The following PTPN11 variants were observed in gnomAD, a reference collection of about 807,000 sequenced individuals.
The protein encoded by PTPN11 is tyrosine-protein phosphatase non-receptor type 11.
Under a neutral mutation model 78.8 loss-of-function variants are expected in PTPN11, and 6 were observed. The observed-to-expected ratio is 0.08, with a 90% CI of 0.04 to 0.15. PTPN11 has a LOEUF of 0.15. PTPN11 is among the 10% of genes least tolerant of loss of function. The pLI is 1.00. For missense variants in PTPN11, 386 were observed against 744.8 expected, an observed-to-expected ratio of 0.52 and a Z score of 5.61; for synonymous variants, 221 against 263.5, an observed-to-expected ratio of 0.84 and a Z score of 1.56.
chr12:112,419,620 G>A (rs543191327), intron 1 of PTPN11, among the ~76,000 whole-genome samples: 28 of 152,318 alleles, frequency 1.8e-4, no homozygotes, highest in African/African-American at 2.9e-4. Flanking sequence ...CAGGACCCCT[G>A]ACCCTTTTAT....
intron 7 of PTPN11, among the ~76,000 whole-genome samples, chr12:112,474,186 T>TA (rs899387297): frequency 6.6e-6 from 1 of 151,888 alleles, no homozygotes; most frequent in African/African-American, 2.4e-5. Context: ...CCATCTCTAT[T>TA]AAAAATTACA....
rs1277567841 is a variant in PTPN11 at position 112,504,106 on chromosome 12, G to A, written c.1713-589G>A. Reference sequence around the variant, plus strand: ...TGCATTTCCAACCTTTCTTCACAGTGCGATCCAAATGCCTCATCCTACAGG... The same window carrying A: ...TGCATTTCCAACCTTTCTTCACAGTACGATCCAAATGCCTCATCCTACAGG... On this transcript the variant is annotated intron_variant, in intron 14 of 15. Transcript: ENST00000351677. This position sits in a 1 kb window ranked among gnomAD's most constrained non-coding sequence, Gnocchi z 4.7. 1.3e-5 allele frequency among the ~76,000 whole-genome samples: 2 copies of A among 152,164 alleles called. No individual in the cohort carries two copies. The highest frequency in any genetic ancestry group is 4.8e-5 in the African/African-American group (2 of 41,430).
Position 112,478,022 on chromosome 12 carries a change from C to A in PTPN11, c.1092+7C>A, listed in dbSNP as rs1169237196. 6.2e-7 allele frequency: 1 copy of A among 1,613,934 alleles called. No individual in the cohort carries two copies. Among genetic ancestry groups the A allele is most frequent in the Admixed American group, 1.7e-5 (1 of 60,002 alleles). On this transcript the variant is annotated splice_region_variant and intron_variant, in intron 9 of 15. Coordinates refer to ENST00000351677, the MANE Select transcript of PTPN11 (RefSeq NM_002834.5). ...AGAAGTGGAGAGAGGAAAGGTAAATCACAGAAACTTCTTTTCTGCTAAACT... is the reference window on the plus strand; with the variant it reads ...AGAAGTGGAGAGAGGAAAGGTAAATAACAGAAACTTCTTTTCTGCTAAACT...
intron 6 of PTPN11, among the ~76,000 whole-genome samples, chr12:112,467,721 C>T (rs1355077362): frequency 6.6e-6 from 1 of 152,132 alleles, no homozygotes; most frequent in Non-Finnish European, 1.5e-5. Context: ...TCTCGGACTC[C>T]TGATCTCAAG....
intron 13 of PTPN11, among the ~76,000 whole-genome samples, chr12:112,497,203 A>G (rs571193358): frequency 9.2e-5 from 14 of 151,924 alleles, no homozygotes; most frequent in African/African-American, 3.1e-4. Flanking sequence ...TTCCATAATG[A>G]TAGCAGAGCT....
chr12:112,449,430 C>G (rs1009479614), intron 2 of PTPN11, among the ~76,000 whole-genome samples: 16 of 151,640 alleles, frequency 1.1e-4, no homozygotes, highest in Admixed American at 2.6e-4. Context: ...TGGTGTGAAC[C>G]CGGGACGTGG....
At position 112,507,791 on chromosome 12, in the gene PTPN11, A is replaced by T. The variant is rs926460916; in HGVS notation, c.*1999A>T. The T allele has an allele frequency of 6.6e-6, 1 of 152,636 alleles. No individual in the cohort carries two copies. Among genetic ancestry groups the T allele is most frequent in the Non-Finnish European group, 1.5e-5 (1 of 68,148 alleles). 9.5% of individuals were successfully genotyped at this position (152,636 alleles called of 1,614,324 possible). On this transcript the variant is annotated 3_prime_UTR_variant, in exon 16 of 16. Transcript: ENST00000351677. ...GAGACTTTGGGGTAGTTTGGCTGCC[A>T]TTCTCACTGACAAAATGTATATCAG...
chr12:112,471,878 G>A (rs931645662), intron 6 of PTPN11, among the ~76,000 whole-genome samples: 3 of 151,814 alleles, frequency 2.0e-5, no homozygotes, highest in African/African-American at 2.4e-5. Flanking sequence ...TCAGCCTCCC[G>A]AGTATCTGGG....
chr12:112,458,619 C>G (rs2038200330), intron 6 of PTPN11, among the ~76,000 whole-genome samples: 3 of 152,212 alleles, frequency 2.0e-5, no homozygotes, highest in Admixed American at 2.0e-4. Flanking sequence ...AGTTTATTCT[C>G]TCATCCCAGG....
chr12:112,446,506 C>G, intron 2 of PTPN11, 108 bp downstream of exon 2: 1 of 1,514,120 alleles, frequency 6.6e-7, no homozygotes, highest in South Asian at 1.1e-5. Context: ...AAGGCCTTAT[C>G]TGAGCCCTGG....
intron 1 of PTPN11, among the ~76,000 whole-genome samples, chr12:112,427,343 G>A (rs1419817802): frequency 3.3e-5 from 5 of 151,878 alleles, no homozygotes; most frequent in Non-Finnish European, 7.4e-5. Flanking sequence ...TCAGGAGATC[G>A]AGACCATCCT....
At position 112,478,065 on chromosome 12, in the gene PTPN11, C is replaced by T. The variant is rs774325316; in HGVS notation, c.1092+50C>T. On this transcript the variant is annotated intron_variant, in intron 9 of 15. Transcript: ENST00000351677. ...GCTAAACTGTTTTTAAAGTATCAGA[C>T]ATGTCAGATTGGCCATGTTTAGGAA... 7.5e-6 allele frequency: 12 copies of T among 1,598,412 alleles called. No individual in the cohort carries two copies. The South Asian group carries it at 1.3e-4, about 18-fold the overall frequency.
intron 1 of PTPN11, among the ~76,000 whole-genome samples, chr12:112,423,331 G>C (rs1312853464): frequency 6.6e-6 from 1 of 152,032 alleles, no homozygotes; most frequent in African/African-American, 2.4e-5. Context: ...AGTCACCCAG[G>C]CTGGAGTGCA....
At chr12:112,473,120 C>G in intron 7 of PTPN11, 80 bp downstream of exon 7, 1 of 1,205,258 alleles carries the variant, frequency 8.3e-7, no homozygotes, top group South Asian at 1.2e-5. Flanking sequence ...TCCTCAGGGT[C>G]GTGTGCTCTT....
chr12:112,486,341 C>A (rs573628273), intron 10 of PTPN11, 134 bp from the exon 11 acceptor site: 2 of 940,434 alleles, frequency 2.1e-6, no homozygotes, highest in Non-Finnish European at 3.3e-6. Context: ...GGGAACCTCA[C>A]GAAGAGGACC....
intron 7 of PTPN11, among the ~76,000 whole-genome samples, chr12:112,473,809 C>T (rs192723844): frequency 1.9e-3 from 284 of 151,530 alleles, no homozygotes; most frequent in Non-Finnish European, 2.4e-3. Flanking sequence ...TGTGCCATTG[C>T]ACTCCAGCCT....
chr12:112,505,383 T>G (rs1592864544), intron 15 of PTPN11, among the ~76,000 whole-genome samples: 1 of 152,104 alleles, frequency 6.6e-6, no homozygotes, highest in Non-Finnish European at 1.5e-5. Flanking sequence ...AATTAGAAAC[T>G]TATCTGGGCA....
chr12:112,505,656 CAAAA>C (rs1191524369), intron 15 of PTPN11, among the ~76,000 whole-genome samples, 165 bp from the exon 16 acceptor site: 164 of 36,716 alleles, frequency 4.5e-3, no homozygotes, highest in African/African-American at 0.011. Flanking sequence ...AACTCCATCT[CAAAA>C]AAAAAAAAAA....
intron 1 of PTPN11, among the ~76,000 whole-genome samples, chr12:112,424,064 A>G (rs1056456535): frequency 6.6e-6 from 1 of 152,128 alleles, no homozygotes; most frequent in Non-Finnish European, 1.5e-5. Flanking sequence ...TACAATGTCT[A>G]TTTTAAAGAT....
Sources: allele counts gnomAD v4.1 joint callset (sites outside exome capture counted in the v4.1 genomes callset), GRCh38; gene constraint gnomAD v4.1.1; non-coding constraint Gnocchi (gnomAD v3.1); transcripts MANE v1.5; gene names NCBI Gene and HGNC (gene_info 2026-07-23, HGNC 2026-07-21).